CIMAP1D: variants seen among roughly 807,000 people sequenced by gnomAD.
CIMAP1D encodes protein CIMAP1D.
the CIMAP1D span, among the ~76,000 whole-genome samples, chr19:481,412 G>GA: frequency 4.0e-4 from 37 of 92,206 alleles, no homozygotes; most frequent in African/African-American, 6.2e-4. Context: ...AAGGATGATG[G>GA]GAAGGATGAT....
At chr19:490,254 G>T in the CIMAP1D span, 1 of 297,798 alleles carries the variant, frequency 3.4e-6, no homozygotes, top group East Asian at 5.7e-5. Flanking sequence ...TACTTGGAAG[G>T]CCGTCACAGT....
the CIMAP1D span, among the ~76,000 whole-genome samples, chr19:464,633 A>C: frequency 1.3e-5 from 2 of 152,084 alleles, no homozygotes; most frequent in South Asian, 4.2e-4. Context: ...TAGAGCCCTC[A>C]CAGCCCTTCC....
the CIMAP1D span, among the ~76,000 whole-genome samples, chr19:488,185 GTT>G: frequency 6.6e-6 from 1 of 151,710 alleles, no homozygotes. Flanking sequence ...TGTCTGAGGA[GTT>G]TTGTCTGCGG....
the CIMAP1D span, among the ~76,000 whole-genome samples, chr19:470,750 C>T: frequency 6.6e-6 from 1 of 152,362 alleles, no homozygotes; most frequent in Non-Finnish European, 1.5e-5. Flanking sequence ...GACCTTGGAG[C>T]AGCGGTAGAA....
chr19:488,639 G>A, the CIMAP1D span, among the ~76,000 whole-genome samples: 2 of 151,164 alleles, frequency 1.3e-5, no homozygotes, highest in African/African-American at 2.5e-5. Context: ...CCTGACCCGC[G>A]AAGCGGGCCG....
At chr19:475,667 G>T in the CIMAP1D span, among the ~76,000 whole-genome samples, 28,353 of 151,982 alleles carry the variant, frequency 0.19, 5,407 homozygotes, top group African/African-American at 0.47. Flanking sequence ...CATTCAAGGC[G>T]ACCACTGCGT....
the CIMAP1D span, chr19:463,583 A>C: frequency 1.9e-6 from 1 of 536,976 alleles, no homozygotes; most frequent in African/African-American, 2.0e-5. Context: ...CCCTTTCCCC[A>C]CCTGGCCTGG....
At chr19:484,152 T>C in the CIMAP1D span, among the ~76,000 whole-genome samples, 2 of 149,462 alleles carry the variant, frequency 1.3e-5, no homozygotes, top group Admixed American at 1.3e-4. Context: ...TTTTTTTTTT[T>C]TTTTTTGAGA....
At chr19:489,385 C>G in the CIMAP1D span, 1 of 154,146 alleles carries the variant, frequency 6.5e-6, no homozygotes. Context: ...GCCCGCGGCC[C>G]CGACCTCTGA....
At chr19:490,002 G>A in the CIMAP1D span, 6 of 398,402 alleles carry the variant, frequency 1.5e-5, no homozygotes, top group African/African-American at 6.2e-5. Flanking sequence ...CCCCACGTCC[G>A]GCGGCCACGA....
chr19:486,992 T>C, the CIMAP1D span, among the ~76,000 whole-genome samples: 1 of 152,080 alleles, frequency 6.6e-6, no homozygotes, highest in Non-Finnish European at 1.5e-5. Flanking sequence ...CCTCAAGTGA[T>C]CCGCCCACCT....
the CIMAP1D span, among the ~76,000 whole-genome samples, chr19:485,280 A>C: frequency 6.6e-6 from 1 of 152,216 alleles, no homozygotes; most frequent in African/African-American, 2.4e-5. Context: ...GCGCGCACAC[A>C]CACGCGTGCT....
At chr19:474,233 C>G in the CIMAP1D span, among the ~76,000 whole-genome samples, 4 of 152,216 alleles carry the variant, frequency 2.6e-5, no homozygotes, top group Non-Finnish European at 5.9e-5. Flanking sequence ...ATGTGGCTCC[C>G]AGCAGAGCCG....
chr19:480,299 G>A, the CIMAP1D span, among the ~76,000 whole-genome samples: 1 of 152,242 alleles, frequency 6.6e-6, no homozygotes, highest in African/African-American at 2.4e-5. Flanking sequence ...TGTGGACTGT[G>A]GGGACACGGG....
chr19:476,496 G>A, the CIMAP1D span, among the ~76,000 whole-genome samples: 3 of 152,078 alleles, frequency 2.0e-5, no homozygotes, highest in Non-Finnish European at 4.4e-5. Flanking sequence ...GGCCTGCAGT[G>A]TCATCTTTAA....
chr19:474,771 A>G, the CIMAP1D span: 2 of 1,472,610 alleles, frequency 1.4e-6, no homozygotes, highest in Non-Finnish European at 1.8e-6. Context: ...TGGCCCCCAC[A>G]GCACCCACGG....
the CIMAP1D span, among the ~76,000 whole-genome samples, chr19:490,935 C>T: frequency 6.6e-6 from 1 of 152,194 alleles, no homozygotes; most frequent in East Asian, 1.9e-4. Context: ...CCTGTCTCTA[C>T]TAAAAATGCA....
the CIMAP1D span, among the ~76,000 whole-genome samples, chr19:473,200 A>G: frequency 9.9e-5 from 4 of 40,414 alleles, no homozygotes; most frequent in South Asian, 2.3e-3. Flanking sequence ...ACGGTCACAG[A>G]TGGGGAGACT....
At chr19:474,614 C>A in the CIMAP1D span, 1 of 1,541,802 alleles carries the variant, frequency 6.5e-7, no homozygotes, top group South Asian at 1.2e-5. Flanking sequence ...CCACGGCTGG[C>A]ACGCACCGTT....
Sources: allele counts gnomAD v4.1 joint callset (sites outside exome capture counted in the v4.1 genomes callset), GRCh38; gene constraint gnomAD v4.1.1; transcripts MANE v1.5; gene names NCBI Gene and HGNC (gene_info 2026-07-23, HGNC 2026-07-21).